ANKHD1: variants seen among roughly 807,000 people sequenced by gnomAD.
ANKHD1 encodes the protein ankyrin repeat and KH domain-containing protein 1.
A neutral mutation model predicts 230.5 loss-of-function variants in ANKHD1; 31 were observed. The observed-to-expected ratio is 0.13, with a 90% CI of 0.10 to 0.18. The LOEUF (loss-of-function observed/expected upper bound fraction) is 0.18, where lower values mean the gene tolerates loss of function less well. Ranked by LOEUF, ANKHD1 falls within the 10% of genes least tolerant of loss-of-function variation. ANKHD1 has a pLI of 1.00. For synonymous variants in ANKHD1, 1,074 were observed against 1,117.6 expected (o/e 0.96, Z 0.78); for missense variants, 2,256 against 3,071.3 (o/e 0.73, Z 6.27).
chr5:140,481,295 A>AT (rs1475981167), intron 10 of ANKHD1, among the ~76,000 whole-genome samples: 1 of 152,060 alleles, frequency 6.6e-6, no homozygotes, highest in Non-Finnish European at 1.5e-5. Flanking sequence ...AGAATGTTAG[A>AT]TTTACCTAAA....
intron 7 of ANKHD1, among the ~76,000 whole-genome samples, chr5:140,451,041 A>G (rs1374538358): frequency 1.3e-5 from 2 of 152,078 alleles, no homozygotes; most frequent in Admixed American, 6.6e-5. Flanking sequence ...AATCCCAGCT[A>G]CTTGGGAGGC....
In ANKHD1 at chr5:140,481,033, G is replaced by A. The variant is rs77221996; in HGVS notation, c.1783-1547G>A. On this transcript the variant is annotated intron_variant, in intron 10 of 33. Transcript: ENST00000360839. ...TCCTTGAGGAAATAACACTTGACTT[G>A]AGATGTAAAGGATGAAAATGAGTTA... 7.3e-4 allele frequency among the ~76,000 whole-genome samples: 111 copies of A among 152,166 alleles called. 4 individuals are homozygous for A. In the East Asian group the frequency reaches 0.019, roughly 26 times the overall value.
At chr5:140,494,753 A>G (rs1751949610) in intron 14 of ANKHD1, among the ~76,000 whole-genome samples, 1 of 152,010 alleles carries the variant, frequency 6.6e-6, no homozygotes, top group South Asian at 2.1e-4. Context: ...TTTCCTTTGG[A>G]CTTGAGAATC....
intron 7 of ANKHD1, among the ~76,000 whole-genome samples, chr5:140,450,056 T>A (rs189145938): frequency 6.6e-6 from 1 of 152,262 alleles, no homozygotes; most frequent in Non-Finnish European, 1.5e-5. Flanking sequence ...CACATATATA[T>A]CATGCGTATA....
intron 29 of ANKHD1, among the ~76,000 whole-genome samples, chr5:140,532,442 C>CT (rs1228141559): frequency 6.6e-6 from 1 of 151,548 alleles, no homozygotes; most frequent in Admixed American, 6.6e-5. Flanking sequence ...ATTTCTTTTT[C>CT]TTTTTTTTCT....
intron 10 of ANKHD1, chr5:140,472,602 G>A (rs956883818): frequency 2.4e-5 from 9 of 379,544 alleles, no homozygotes; most frequent in Non-Finnish European, 3.5e-5. Flanking sequence ...ATACCGCAGA[G>A]AGAAAGTCTC....
intron 1 of ANKHD1, among the ~76,000 whole-genome samples, chr5:140,423,590 G>C (rs1029004117): frequency 6.6e-6 from 1 of 152,140 alleles, no homozygotes; most frequent in Non-Finnish European, 1.5e-5. Context: ...TGGCACTTCT[G>C]GTTCCCTCTG....
At position 140,411,767 on chromosome 5, in the gene ANKHD1, G is replaced by A. The variant is rs1031970028; in HGVS notation, c.306+9494G>A. On this transcript the variant is annotated intron_variant, in intron 1 of 33. Transcript: ENST00000360839. ...TCGAACTCCTGACCTCAGACTATCT[G>A]CCCACCTCAGCCTCCCAAAGTGCTG... is the stretch of plus-strand genomic sequence containing the variant. 1.4e-4 allele frequency among the ~76,000 whole-genome samples: 21 copies of A among 151,288 alleles called. 1 individual carries two copies. The highest frequency in any genetic ancestry group is 1.3e-3 in the Admixed American group (19 of 15,152).
Position 140,455,940 on chromosome 5 carries a change from C to G in ANKHD1, c.1243-2685C>G, listed in dbSNP as rs146119366. ...AGTCAAATTGTCCCTGTTTGCAGAT[C>G]ACATGATTGTATATTTAGAAAACCC... On this transcript the variant is annotated intron_variant, in intron 7 of 33. Coordinates refer to ENST00000360839, the MANE Select transcript of ANKHD1 (RefSeq NM_017747.3). 4.4e-3 allele frequency among the ~76,000 whole-genome samples: 669 copies of G among 152,202 alleles called. 4 individuals are homozygous for G. The highest frequency in any genetic ancestry group is 0.015 in the African/African-American group (629 of 41,516).
chr5:140,427,157 C>G (rs528737947), intron 1 of ANKHD1, among the ~76,000 whole-genome samples: 2,316 of 147,754 alleles, frequency 0.016, 66 homozygotes, highest in African/African-American at 0.055. Context: ...TGACCCCCCC[C>G]ACCTCCCTCC....
intron 7 of ANKHD1, among the ~76,000 whole-genome samples, chr5:140,450,723 A>G (rs573560598): frequency 4.6e-5 from 7 of 152,222 alleles, no homozygotes; most frequent in African/African-American, 1.7e-4. Context: ...AATTTTTTGT[A>G]GAGACAGCAT....
At chr5:140,471,183 C>T (rs147333541) in intron 10 of ANKHD1, among the ~76,000 whole-genome samples, 2 of 152,102 alleles carry the variant, frequency 1.3e-5, no homozygotes, top group Admixed American at 6.5e-5. Flanking sequence ...ATTAGTGATG[C>T]TCAATCTGTA....
chr5:140,472,765 A>G lies in ANKHD1; in HGVS notation c.1782+7989A>G, dbSNP rs1174035292. ...CTATATAGTTTATGCCCTAATTTCTATAAACTAGAAGTTTAAAATTTTCTT... is the reference window on the plus strand; with the variant it reads ...CTATATAGTTTATGCCCTAATTTCTGTAAACTAGAAGTTTAAAATTTTCTT... On this transcript the variant is annotated intron_variant, in intron 10 of 33. Coordinates refer to ENST00000360839, the MANE Select transcript of ANKHD1 (RefSeq NM_017747.3). Among the ~76,000 whole-genome samples the G allele has an allele frequency of 5.9e-5, 9 of 152,176 alleles. No individual in the cohort carries two copies. The East Asian group carries it at 1.7e-3, about 29-fold the overall frequency.
chr5:140,529,268 A>C lies in ANKHD1; in HGVS notation c.6322A>C (p.Thr2108Pro), dbSNP rs1753718186. Residue 2108 changes from threonine (T) to proline (P), a missense_variant, in exon 29 of 34, where the codon ACA becomes CCA. Thr to Pro is a conservative substitution (Grantham distance 38, BLOSUM62 -1). Coordinates refer to ENST00000360839, the MANE Select transcript of ANKHD1 (RefSeq NM_017747.3). Reference sequence around the variant, plus strand: ...CTCAGAACCTGCTCCATTGACTTTGACATCACCCAGAATGGTTGCTGCTGA... The same window carrying C: ...CTCAGAACCTGCTCCATTGACTTTGCCATCACCCAGAATGGTTGCTGCTGA... ...SNSEPAPLTL[T>P]SPRMVAADNQ... The C allele has an allele frequency of 6.2e-7, 1 of 1,614,088 alleles. No individual in the cohort carries two copies. Among genetic ancestry groups the C allele is most frequent in the Non-Finnish European group, 8.5e-7 (1 of 1,180,040 alleles).
chr5:140,477,364 T>A (rs949038725), intron 10 of ANKHD1, among the ~76,000 whole-genome samples: 1 of 152,234 alleles, frequency 6.6e-6, no homozygotes, highest in Non-Finnish European at 1.5e-5. Flanking sequence ...ATAAAATGAT[T>A]GTTAAAAATC....
At chr5:140,509,268 C>A (rs73265802) in intron 20 of ANKHD1, among the ~76,000 whole-genome samples, 5 of 152,078 alleles carry the variant, frequency 3.3e-5, no homozygotes, top group Non-Finnish European at 7.4e-5. Context: ...GACTAACGTA[C>A]CAAAGGCACA....
At chr5:140,470,076 C>T (rs1324523224) in intron 10 of ANKHD1, among the ~76,000 whole-genome samples, 1 of 151,902 alleles carries the variant, frequency 6.6e-6, no homozygotes, top group African/African-American at 2.4e-5. Context: ...GTTCTTTCCC[C>T]TCAAAATTTT....
At chr5:140,436,402 A>G (rs1773447840) in intron 2 of ANKHD1, 145 bp downstream of exon 2, 2 of 1,143,194 alleles carry the variant, frequency 1.7e-6, no homozygotes, top group Middle Eastern at 3.2e-4. Flanking sequence ...CCCAAAGAAA[A>G]TGTTCACATT....
intron 24 of ANKHD1, among the ~76,000 whole-genome samples, chr5:140,520,017 G>C (rs1008411594): frequency 6.6e-6 from 1 of 150,682 alleles, no homozygotes. Flanking sequence ...GAAAATTTTC[G>C]CAACCTACTC....
Sources: allele counts gnomAD v4.1 joint callset (sites outside exome capture counted in the v4.1 genomes callset), GRCh38; gene constraint gnomAD v4.1.1; transcripts MANE v1.5; gene names NCBI Gene and HGNC (gene_info 2026-07-23, HGNC 2026-07-21).